The following FAT1 variants were observed in gnomAD, a reference collection of about 807,000 sequenced individuals.
The protein encoded by FAT1 is protocadherin Fat 1.
Under a neutral mutation model 329.8 loss-of-function variants are expected in FAT1, and 171 were observed. That is an observed-to-expected ratio of 0.52 (90% confidence interval 0.46 to 0.59). FAT1 has a LOEUF of 0.59. FAT1 is among the 20% of genes least tolerant of loss of function. FAT1 has a pLI of 0.00. For synonymous variants in FAT1, 2,233 were observed against 2,228.6 expected, an observed-to-expected ratio of 1.00 and a Z score of -0.06; for missense variants, 5,672 against 5,774.4, an observed-to-expected ratio of 0.98 and a Z score of 0.57.
At chr4:186,645,328 G>C (rs918742324) in intron 3 of FAT1, among the ~76,000 whole-genome samples, 2 of 131,508 alleles carry the variant, frequency 1.5e-5, no homozygotes, top group Non-Finnish European at 3.2e-5. Flanking sequence ...TTGACAGTTT[G>C]TTAGCCAAGG....
At position 186,588,270 on chromosome 4, in the gene FAT1, C is replaced by G; in HGVS notation, c.*322G>C. On this transcript the variant is annotated 3_prime_UTR_variant, in exon 27 of 27. Coordinates refer to ENST00000441802, the MANE Select transcript of FAT1 (RefSeq NM_005245.4). The stretch of plus-strand genomic sequence containing the variant: ...ACATAAAATTTACAAAAAAAAGAGA[C>G]AGGAAAATTAAAATAATCAAATCTA... 3.6e-6 allele frequency: 1 copy of G among 280,650 alleles called. No homozygotes were observed. Among genetic ancestry groups the G allele is most frequent in the South Asian group, 1.4e-4 (1 of 7,090 alleles). The allele number at this position is 280,650 out of a possible 1,614,324, so 17.4% of individuals were successfully genotyped here.
In FAT1 at chr4:186,606,171, T is replaced by G. The variant is rs1182928080; in HGVS notation, c.10249A>C (p.Ser3417Arg). ...GTCGTCGTGTTGACTCTGGGTGGAC[T>G]GCCATTATCAGAAGCTTGAACCGTG... ...TLTVQASDNG[S>R]PPRVNTTTVN... The change falls in exon 17 of 27, where the codon AGT becomes CGT. Residue 3417 changes from serine to arginine, a missense_variant. By Grantham distance (110) the Ser-to-Arg change is moderately radical (BLOSUM62 -1). Around this residue, in one of 2 missense-constraint regions of FAT1, gnomAD observed 1,706 missense variants for 1,859.1 expected, o/e 0.92. Transcript: ENST00000441802. 6.2e-7 allele frequency: 1 copy of G among 1,612,468 alleles called. No homozygotes were observed. Among genetic ancestry groups the G allele is most frequent in the East Asian group, 2.2e-5 (1 of 44,740 alleles).
chr4:186,623,482 A>C (rs1400244774), intron 9 of FAT1, among the ~76,000 whole-genome samples: 1 of 152,066 alleles, frequency 6.6e-6, no homozygotes, highest in African/African-American at 2.4e-5. Context: ...GTCTGTACTC[A>C]CCAGCTGACC....
chr4:186,610,354 A>T (rs758872643), intron 14 of FAT1, among the ~76,000 whole-genome samples: 1 of 151,860 alleles, frequency 6.6e-6, no homozygotes, highest in African/African-American at 2.4e-5. Context: ...TAATCAACAA[A>T]ATAAAAACGT....
intron 25 of FAT1, 24 bp from the exon 26 acceptor site, chr4:186,595,850 T>C (rs763106517): frequency 6.2e-7 from 1 of 1,613,368 alleles, no homozygotes; most frequent in Non-Finnish European, 8.5e-7. Flanking sequence ...TGACAAACAG[T>C]AAGTATATGG....
In FAT1 at chr4:186,614,308, G is replaced by A. The variant is rs2126479042; in HGVS notation, c.9112C>T (p.Pro3038Ser). The change falls in exon 12 of 27, where the codon CCT becomes TCT. Residue 3038 changes from proline to serine, a missense_variant. Physicochemically the swap from Pro to Ser is moderately conservative, Grantham distance 74. This residue lies in a region of FAT1 where 3,966 missense variants were observed against 3,915.2 expected (regional missense o/e 1.01). Transcript: ENST00000441802. Reference sequence around the variant, plus strand: ...GAGATCTGCATGATCAATTTTCCAGGAAGGACGTCTTCAGGAATAGTGTCT... The same window carrying A: ...GAGATCTGCATGATCAATTTTCCAGAAAGGACGTCTTCAGGAATAGTGTCT... ...YSDTIPEDVL[P>S]GKLIMQISAT... The A allele has an allele frequency of 6.3e-7, 1 of 1,581,326 alleles. No homozygotes were observed.
chr4:186,697,216 T>C (rs1249914726), intron 2 of FAT1, among the ~76,000 whole-genome samples: 1 of 152,154 alleles, frequency 6.6e-6, no homozygotes, highest in East Asian at 1.9e-4. Flanking sequence ...GCTGCTTAAC[T>C]TAAACGAGGT....
Position 186,614,271 on chromosome 4 carries a change from G to T in FAT1, c.9149C>A (p.Ala3050Glu), listed in dbSNP as rs200444396. 1 of 1,603,792 alleles carries T rather than the reference G, an allele frequency of 6.2e-7. No individual in the cohort carries two copies. The change falls in exon 12 of 27, where the codon GCA becomes GAA. Residue 3050 changes from alanine to glutamate, a missense_variant. Physicochemically the swap from Ala to Glu is moderately radical, Grantham distance 107. Around this residue, in one of 2 missense-constraint regions of FAT1, gnomAD observed 3,966 missense variants for 3,915.2 expected, o/e 1.01. Transcript: ENST00000441802. ...KLIMQISATD[A>E]DIRSNAEITY... ...AATTTCAGCGTTAGAGCGGATGTCT[G>T]CGTCTGTAGCAGAGATCTGCATGAT...
intron 1 of FAT1, among the ~76,000 whole-genome samples, chr4:186,722,943 T>C (rs374439580): frequency 8.6e-4 from 131 of 152,194 alleles, no homozygotes; most frequent in South Asian, 7.1e-3. Flanking sequence ...TTTACTTTCC[T>C]AACTCATACA....
At chr4:186,721,143 C>T (rs540958956) in intron 1 of FAT1, among the ~76,000 whole-genome samples, 1 of 152,306 alleles carries the variant, frequency 6.6e-6, no homozygotes, top group South Asian at 2.1e-4. Context: ...GTATAGAAGC[C>T]TTTATTATTT....
At chr4:186,695,949 G>A (rs1744012188) in intron 2 of FAT1, among the ~76,000 whole-genome samples, 1 of 152,022 alleles carries the variant, frequency 6.6e-6, no homozygotes, top group African/African-American at 2.4e-5. Flanking sequence ...GCGCCACTAG[G>A]CCCAGCTAAT....
intron 3 of FAT1, among the ~76,000 whole-genome samples, chr4:186,642,014 A>C (rs954478105): frequency 6.6e-6 from 1 of 151,928 alleles, no homozygotes; most frequent in African/African-American, 2.4e-5. Context: ...CAAAAAAAAA[A>C]AAACAAAATC....
chr4:186,642,016 A>AC (rs1177585490), intron 3 of FAT1, among the ~76,000 whole-genome samples: 2 of 151,746 alleles, frequency 1.3e-5, no homozygotes, highest in African/African-American at 4.8e-5. Context: ...AAAAAAAAAA[A>AC]ACAAAATCCA....
chr4:186,713,878 G>C (rs1041093289), intron 1 of FAT1, among the ~76,000 whole-genome samples: 2 of 152,052 alleles, frequency 1.3e-5, no homozygotes, highest in Non-Finnish European at 2.9e-5. Context: ...ATAGAGACGG[G>C]GTTTCACCAC....
Position 186,707,036 on chromosome 4 carries a change from T to C in FAT1, c.2792A>G (p.Asn931Ser). 1 of 1,613,886 alleles carries C rather than the reference T, an allele frequency of 6.2e-7. No individual in the cohort carries two copies. The highest frequency in any genetic ancestry group is 8.5e-7 in the Non-Finnish European group (1 of 1,179,858). Reference sequence around the variant, plus strand: ...ATCCTCTCGGACTTTCACACGATAATTAGGTGGAATAAATGTAGGTGGGTT... The same window carrying C: ...ATCCTCTCGGACTTTCACACGATAACTAGGTGGAATAAATGTAGGTGGGTT... The part of the protein sequence containing the change: ...NDNPPTFIPP[N>S]YRVKVREDLP... The change falls in exon 2 of 27, where the codon AAT (asparagine) becomes AGT (serine). Residue 931 changes from asparagine to serine, a missense_variant. Asn to Ser is a conservative substitution (Grantham distance 46). Around this residue, in one of 2 missense-constraint regions of FAT1, gnomAD observed 3,966 missense variants for 3,915.2 expected, o/e 1.01. Coordinates refer to ENST00000441802, the MANE Select transcript of FAT1 (RefSeq NM_005245.4).
chr4:186,673,150 T>A (rs1257314661), intron 2 of FAT1, among the ~76,000 whole-genome samples: 1 of 152,174 alleles, frequency 6.6e-6, no homozygotes, highest in Non-Finnish European at 1.5e-5. Flanking sequence ...CACAATTATA[T>A]GTGCAGAGAA....
intron 2 of FAT1, among the ~76,000 whole-genome samples, chr4:186,679,028 C>T (rs1743074512): frequency 6.6e-6 from 1 of 152,034 alleles, no homozygotes; most frequent in Non-Finnish European, 1.5e-5. Flanking sequence ...AAAGGAATTA[C>T]ATGTGCCCTG....
chr4:186,627,499 A>C (rs1579348421), intron 9 of FAT1, among the ~76,000 whole-genome samples: 1 of 152,096 alleles, frequency 6.6e-6, no homozygotes, highest in African/African-American at 2.4e-5. Context: ...GGGTCCCGGA[A>C]CCGTCCAGGA....
intron 1 of FAT1, among the ~76,000 whole-genome samples, chr4:186,713,756 C>T (rs1240594262): frequency 6.6e-6 from 1 of 152,172 alleles, no homozygotes; most frequent in South Asian, 2.1e-4. Context: ...TTCCGGGCCC[C>T]CGTCTCAGCC....
Sources: allele counts gnomAD v4.1 joint callset (sites outside exome capture counted in the v4.1 genomes callset), GRCh38; gene constraint gnomAD v4.1.1; regional missense constraint gnomAD v4.1.1; transcripts MANE v1.5; gene names NCBI Gene and HGNC (gene_info 2026-07-23, HGNC 2026-07-21).